COPS2: variants seen among roughly 807,000 people sequenced by gnomAD.
COPS2 encodes the protein COP9 signalosome subunit 2, also known as COP9 signalosome complex subunit 2.
In COPS2, 10 loss-of-function variants were observed where a neutral mutation model predicts 66.1. The observed-to-expected ratio is 0.15, with a 90% CI of 0.09 to 0.26. The LOEUF (loss-of-function observed/expected upper bound fraction) is 0.26, where lower values mean the gene tolerates loss of function less well. Ranked by LOEUF, COPS2 falls within the 10% of genes least tolerant of loss-of-function variation. The pLI is 1.00. For synonymous variants in COPS2, 179 were observed against 171.3 expected, an observed-to-expected ratio of 1.04 and a Z score of -0.35; for missense variants, 215 against 513.3, an observed-to-expected ratio of 0.42 and a Z score of 5.62.
chr15:49,155,489 A>T (rs2084421646), intron 1 of COPS2, 36 bp downstream of exon 1: 1 of 1,610,250 alleles, frequency 6.2e-7, no homozygotes, highest in Non-Finnish European at 8.5e-7. Flanking sequence ...AACAAGACAC[A>T]TCACCACCCT....
rs756260405 is a variant in COPS2 at position 49,133,957 on chromosome 15, C to T, written c.867G>A (p.Ser289=). 2.5e-5 allele frequency: 41 copies of T among 1,612,514 alleles called. No homozygotes were observed. Among genetic ancestry groups the T allele is most frequent in the Admixed American group, 3.3e-5 (2 of 59,766 alleles). ...YLVLANMLMK[S]GINPFDSQEA... ...CCTGTGAGTCAAATGGATTTATTCC[C>T]GATTTCATAAGCATATTTGCTAAGA... Residue 289 remains serine, a synonymous_variant, in exon 8 of 13, where the codon TCG becomes TCA. Transcript: ENST00000388901.
At chr15:49,144,716 C>G (rs769384247) in intron 2 of COPS2, among the ~76,000 whole-genome samples, 13 of 152,328 alleles carry the variant, frequency 8.5e-5, no homozygotes, top group Middle Eastern at 3.4e-3. Context: ...TACTGACCAT[C>G]ATGTTGGTGG....
rs950172833 is a variant in COPS2 at position 49,154,667 on chromosome 15, G to A, written c.54+858C>T. ...ATTCTGGATCAAGATAATTTTCTGA[G>A]TTTCCACACGATGTTTTTGAATAGC... On this transcript the variant is annotated intron_variant, in intron 1 of 12. Transcript: ENST00000388901. Among the ~76,000 whole-genome samples, 5 of 152,280 alleles carry A rather than the reference G, an allele frequency of 3.3e-5. No homozygotes were observed. In the East Asian group the frequency reaches 7.7e-4, roughly 24 times the overall value.
At chr15:49,147,101 C>T (rs2141132225) in intron 1 of COPS2, among the ~76,000 whole-genome samples, 1 of 152,196 alleles carries the variant, frequency 6.6e-6, no homozygotes, top group Middle Eastern at 3.4e-3. Flanking sequence ...GCTATAAAAC[C>T]TACTCTATGC....
At chr15:49,152,830 A>G (rs2084372168) in intron 1 of COPS2, among the ~76,000 whole-genome samples, 1 of 152,186 alleles carries the variant, frequency 6.6e-6, no homozygotes, top group Admixed American at 6.5e-5. Context: ...TTCAAAAAAA[A>G]AAGTTAAAGC....
chr15:49,149,049 T>G (rs1037514554), intron 1 of COPS2, among the ~76,000 whole-genome samples: 1 of 152,164 alleles, frequency 6.6e-6, no homozygotes, highest in African/African-American at 2.4e-5. Flanking sequence ...AAAGAATGCT[T>G]TAAAAACAAA....
At chr15:49,130,918 C>A in intron 9 of COPS2, 102 bp from the exon 10 acceptor site, 2 of 544,712 alleles carry the variant, frequency 3.7e-6, no homozygotes, top group Non-Finnish European at 6.5e-6. Context: ...ATGCAAAAAT[C>A]TAAATAATAT....
chr15:49,152,877 C>T lies in COPS2; in HGVS notation c.54+2648G>A, dbSNP rs560318302. Among the ~76,000 whole-genome samples the T allele has an allele frequency of 9.5e-4, 145 of 152,204 alleles. 5 individuals are homozygous for T. In the South Asian group the frequency reaches 0.028, roughly 29 times the overall value. ...CAACTTCATTTTACTGCTCATGTAGCGTAGGCCCTAAAAGGCTGGGAAAAT... is the reference window on the plus strand; with the variant it reads ...CAACTTCATTTTACTGCTCATGTAGTGTAGGCCCTAAAAGGCTGGGAAAAT... On this transcript the variant is annotated intron_variant, in intron 1 of 12. Coordinates refer to ENST00000388901, the MANE Select transcript of COPS2 (RefSeq NM_004236.4).
At chr15:49,139,796 G>A in intron 3 of COPS2, 143 bp from the exon 4 acceptor site, 1 of 591,434 alleles carries the variant, frequency 1.7e-6, no homozygotes. Flanking sequence ...GAGGAACTAT[G>A]TATGACAGGA....
chr15:49,147,786 C>T (rs1225201683), intron 1 of COPS2, among the ~76,000 whole-genome samples: 2 of 148,870 alleles, frequency 1.3e-5, no homozygotes, highest in Admixed American at 6.7e-5. Context: ...CAGCCCTCTT[C>T]GTTTTGTGAC....
chr15:49,145,164 G>C lies in COPS2; in HGVS notation c.55-86C>G, dbSNP rs555021455. ...GTAAAAAGTGAATGCTGTTAAGACA[G>C]AAAAACCACATATTTTTACAAAACA... On this transcript the variant is annotated intron_variant, in intron 1 of 12. Coordinates refer to ENST00000388901, the MANE Select transcript of COPS2 (RefSeq NM_004236.4). 3 of 639,386 alleles carry C rather than the reference G, an allele frequency of 4.7e-6. No individual in the cohort carries two copies. The African/African-American group carries it at 5.7e-5, about 12-fold the overall frequency. The allele number at this position is 639,386 out of a possible 1,614,324, so 39.6% of individuals were successfully genotyped here. A position where few individuals can be genotyped will look rare whatever the true frequency, so the allele number is the denominator to read the frequency against.
intron 3 of COPS2, among the ~76,000 whole-genome samples, chr15:49,141,850 C>G (rs1317855456): frequency 1.3e-5 from 2 of 152,168 alleles, no homozygotes; most frequent in African/African-American, 2.4e-5. Context: ...CCACTCTGCT[C>G]AAGGTAAAAT....
In COPS2 at chr15:49,123,610, CA is replaced by C. The variant is rs1445258017; in HGVS notation, c.*4339del. On this transcript the variant is annotated 3_prime_UTR_variant, in exon 13 of 13. Coordinates refer to ENST00000388901, the MANE Select transcript of COPS2 (RefSeq NM_004236.4). ...CAGCTATTCATGTGGAAATTCTGAG[CA>C]AAGTTCATAATTTTGCCAACACGGA... 1 of 152,124 alleles carries C rather than the reference CA, an allele frequency of 6.6e-6. No homozygotes were observed. The highest frequency in any genetic ancestry group is 2.4e-5 in the African/African-American group (1 of 41,446). 9.4% of individuals were successfully genotyped at this position (152,124 alleles called of 1,614,324 possible).
intron 1 of COPS2, among the ~76,000 whole-genome samples, chr15:49,155,170 C>T (rs2141138374): frequency 6.6e-6 from 1 of 152,390 alleles, no homozygotes; most frequent in Non-Finnish European, 1.5e-5. Flanking sequence ...AAGGGCAAAG[C>T]CAGGGCCTAC....
At chr15:49,153,238 T>C (rs187008818) in intron 1 of COPS2, among the ~76,000 whole-genome samples, 10 of 151,094 alleles carry the variant, frequency 6.6e-5, no homozygotes, top group Non-Finnish European at 1.0e-4. Context: ...CCAGCCTGAG[T>C]AACACAGCAA....
rs530572728 is a variant in COPS2 at position 49,125,956 on chromosome 15, A to T, written c.*1994T>A. On this transcript the variant is annotated 3_prime_UTR_variant, in exon 13 of 13. Coordinates refer to ENST00000388901, the MANE Select transcript of COPS2 (RefSeq NM_004236.4). ...TAAATCATTTCATTCAAATCTTTGAATTCTAATTCCATCAACTCAAAAGTT... is the reference window on the plus strand; with the variant it reads ...TAAATCATTTCATTCAAATCTTTGATTTCTAATTCCATCAACTCAAAAGTT... The T allele has an allele frequency of 4.6e-5, 7 of 152,338 alleles. No homozygotes were observed. The East Asian group carries it at 1.3e-3, about 29-fold the overall frequency. The allele number at this position is 152,338 out of a possible 1,614,324, so 9.4% of individuals were successfully genotyped here. A position where few individuals can be genotyped will look rare whatever the true frequency, so the allele number is the denominator to read the frequency against.
chr15:49,128,839 C>A, intron 11 of COPS2, 79 bp from the exon 12 acceptor site: 1 of 947,300 alleles, frequency 1.1e-6, no homozygotes, highest in Non-Finnish European at 1.6e-6. Flanking sequence ...AATTTTAATT[C>A]ATTTCTATCA....
At chr15:49,138,077 G>C (rs2084266244) in intron 4 of COPS2, among the ~76,000 whole-genome samples, 1 of 152,162 alleles carries the variant, frequency 6.6e-6, no homozygotes, top group Non-Finnish European at 1.5e-5. Flanking sequence ...TTAAGTCACT[G>C]GTAAACCATG....
intron 12 of COPS2, 32 bp downstream of exon 12, chr15:49,128,670 T>C (rs374503050): frequency 2.7e-6 from 4 of 1,489,416 alleles, no homozygotes; most frequent in Admixed American, 1.9e-5. Context: ...CGGTACCAAA[T>C]ATTTTGTGAT....
Sources: gnomAD v4.1 joint callset for allele counts (sites outside exome capture counted in the v4.1 genomes callset) on GRCh38, gnomAD v4.1.1 for gene constraint, MANE v1.5 for transcripts, NCBI Gene and HGNC (gene_info 2026-07-23, HGNC 2026-07-21) for gene names.